The following FARP1 variants were observed in gnomAD, a reference collection of about 807,000 sequenced individuals.
FARP1 encodes FERM, ARHGEF and pleckstrin domain-containing protein 1.
FARP1 carries 52 observed loss-of-function variants against 128.8 expected under a neutral mutation model. The observed-to-expected ratio is 0.40, with a 90% CI of 0.32 to 0.51. The LOEUF is 0.51. Ranked by LOEUF, FARP1 falls within the 20% of genes least tolerant of loss-of-function variation. The probability of loss-of-function intolerance (pLI) is 0.45; values close to 1 mark genes in which losing one functional copy is unlikely to be tolerated. For synonymous variants in FARP1, 580 were observed against 551.8 expected (o/e 1.05, Z -0.72); for missense variants, 1,333 against 1,367.9 (o/e 0.97, Z 0.40).
intron 1 of FARP1, among the ~76,000 whole-genome samples, chr13:98,144,233 T>C (rs1875334606): frequency 6.6e-6 from 1 of 151,496 alleles, no homozygotes; most frequent in Admixed American, 6.6e-5. Flanking sequence ...TGTGTTTTAT[T>C]TGAGGGGGGG....
At position 98,447,995 on chromosome 13, in the gene FARP1, C is replaced by T. The variant is rs745441994; in HGVS notation, c.3057-241C>T. 190 of 557,696 alleles carry T rather than the reference C, an allele frequency of 3.4e-4. 1 individual carries two copies. Among genetic ancestry groups the T allele is most frequent in the Admixed American group, 8.1e-4 (25 of 31,016 alleles). The allele number at this position is 557,696 out of a possible 1,614,324, so 34.5% of individuals were successfully genotyped here. A position where few individuals can be genotyped will look rare whatever the true frequency, so the allele number is the denominator to read the frequency against. Reference sequence around the variant, plus strand: ...CTCGCTCCTAACTGCTCCAATGGAGCGGGCAGTGTCACTGCAGCAAGGTAC... The same window carrying T: ...CTCGCTCCTAACTGCTCCAATGGAGTGGGCAGTGTCACTGCAGCAAGGTAC... On this transcript the variant is annotated intron_variant, in intron 26 of 26. Coordinates refer to ENST00000319562, the MANE Select transcript of FARP1 (RefSeq NM_005766.4).
intron 2 of FARP1, among the ~76,000 whole-genome samples, chr13:98,297,718 G>A (rs139413679): frequency 1.4e-3 from 218 of 152,212 alleles, no homozygotes; most frequent in African/African-American, 5.0e-3. Flanking sequence ...GTGTATGTTT[G>A]GGGGAAGGAA....
chr13:98,367,718 G>GC (rs1352710055), intron 4 of FARP1, among the ~76,000 whole-genome samples: 1 of 152,162 alleles, frequency 6.6e-6, no homozygotes, highest in Non-Finnish European at 1.5e-5. Flanking sequence ...GAACATATTA[G>GC]CAACTGTACC....
chr13:98,319,297 A>G (rs1886885263), intron 2 of FARP1, among the ~76,000 whole-genome samples: 1 of 148,140 alleles, frequency 6.8e-6, no homozygotes, highest in African/African-American at 2.5e-5. Flanking sequence ...AAATACTTGG[A>G]AGGGAATAAT....
intron 1 of FARP1, chr13:98,177,058 G>C: frequency 6.3e-7 from 1 of 1,594,946 alleles, no homozygotes; most frequent in African/African-American, 1.3e-5. Context: ...TGCCACCCGC[G>C]GGGGCTGAGC....
chr13:98,435,163 C>T (rs971358783), intron 18 of FARP1, among the ~76,000 whole-genome samples: 5 of 152,188 alleles, frequency 3.3e-5, no homozygotes, highest in African/African-American at 9.7e-5. Flanking sequence ...CAAGGAGGTG[C>T]TGACTTTGCT....
intron 2 of FARP1, among the ~76,000 whole-genome samples, chr13:98,225,350 C>T (rs1881695234): frequency 6.6e-6 from 1 of 152,176 alleles, no homozygotes; most frequent in Non-Finnish European, 1.5e-5. Context: ...GTGTGTCGCC[C>T]ACAGGACTGA....
At position 98,343,871 on chromosome 13, in the gene FARP1, G is replaced by A. The variant is rs781667904; in HGVS notation, c.276+5G>A. ...CCTGATCACAAAAAGATCACGGTAG[G>A]TGATGTCAACTTAATGTTACTATTT... is the stretch of plus-strand genomic sequence containing the variant. On this transcript the variant is annotated splice_donor_5th_base_variant and intron_variant, in intron 3 of 26. Coordinates refer to ENST00000319562, the MANE Select transcript of FARP1 (RefSeq NM_005766.4). 1.3e-6 allele frequency: 2 copies of A among 1,581,104 alleles called. No individual in the cohort carries two copies. The highest frequency in any genetic ancestry group is 1.7e-5 in the Admixed American group (1 of 59,916).
chr13:98,321,364 G>A (rs1369184282), intron 2 of FARP1, among the ~76,000 whole-genome samples: 6 of 152,288 alleles, frequency 3.9e-5, no homozygotes, highest in Admixed American at 3.9e-4. Flanking sequence ...GCACACTTGA[G>A]TTACATATCA....
rs1891211570 is a variant in FARP1 at position 98,412,015 on chromosome 13, G to C, written c.1807G>C (p.Glu603Gln). ...KFHTNFLKEI[E>Q]QRLALWEGRS... Reference sequence around the variant, plus strand: ...TCATACTAATTTTCTCAAGGAAATTGAGCAACGACTTGCCCTGTGGTGAGT... The same window carrying C: ...TCATACTAATTTTCTCAAGGAAATTCAGCAACGACTTGCCCTGTGGTGAGT... The change falls in exon 16 of 27, where the codon GAG becomes CAG. Residue 603 changes from glutamate (E) to glutamine (Q), a missense_variant. Physicochemically the swap from Glu to Gln is conservative, Grantham distance 29 (BLOSUM62 2). This residue lies in a region of FARP1 where 1,009 missense variants were observed against 969.8 expected (regional missense o/e 1.04). Coordinates refer to ENST00000319562, the MANE Select transcript of FARP1 (RefSeq NM_005766.4). 3 of 1,613,946 alleles carry C rather than the reference G, an allele frequency of 1.9e-6. No individual in the cohort carries two copies. The highest frequency in any genetic ancestry group is 2.5e-6 in the Non-Finnish European group (3 of 1,179,952).
At chr13:98,435,544 C>T (rs374048969) in intron 18 of FARP1, 32 bp from the exon 19 acceptor site, 216 of 1,576,870 alleles carry the variant, frequency 1.4e-4, no homozygotes, top group East Asian at 2.0e-4. Context: ...CTGCCTTTCC[C>T]GCTGCAGACT....
chr13:98,289,562 G>A (rs1211036031), intron 2 of FARP1, among the ~76,000 whole-genome samples: 1 of 152,150 alleles, frequency 6.6e-6, no homozygotes. Context: ...GCTTGACTAC[G>A]TCTAGATCTC....
intron 1 of FARP1, 102 bp from the exon 2 acceptor site, chr13:98,213,118 G>A: frequency 1.2e-6 from 1 of 847,588 alleles, no homozygotes; most frequent in South Asian, 1.8e-5. Flanking sequence ...CCTGTGCAGG[G>A]GATGGAGCCC....
intron 2 of FARP1, among the ~76,000 whole-genome samples, chr13:98,269,391 AT>A (rs1884283302): frequency 6.6e-6 from 1 of 152,200 alleles, no homozygotes; most frequent in South Asian, 2.1e-4. Flanking sequence ...TTGAGTGGTC[AT>A]TTCTGTTCAT....
chr13:98,340,940 C>G (rs565042001), intron 2 of FARP1: 1 of 152,092 alleles, frequency 6.6e-6, no homozygotes, highest in African/African-American at 2.4e-5. Flanking sequence ...GATAAGCATG[C>G]CTGGAGAAGA....
At chr13:98,170,075 C>G (rs944515634) in intron 1 of FARP1, among the ~76,000 whole-genome samples, 3 of 152,040 alleles carry the variant, frequency 2.0e-5, no homozygotes, top group Non-Finnish European at 4.4e-5. Flanking sequence ...TTTTGGGGAG[C>G]TATTGGCCTT....
At chr13:98,272,241 G>T (rs73556883) in intron 2 of FARP1, among the ~76,000 whole-genome samples, 2 of 152,096 alleles carry the variant, frequency 1.3e-5, no homozygotes, top group Admixed American at 6.5e-5. Context: ...TGTTGGCCAG[G>T]CTTGCCTTGA....
chr13:98,285,624 G>A (rs893231829), intron 2 of FARP1, among the ~76,000 whole-genome samples: 1 of 152,104 alleles, frequency 6.6e-6, no homozygotes, highest in Non-Finnish European at 1.5e-5. Context: ...TCTGACATTG[G>A]GGTAATTTTG....
intron 6 of FARP1, among the ~76,000 whole-genome samples, chr13:98,379,254 A>G (rs538530813): frequency 7.3e-6 from 1 of 137,098 alleles, no homozygotes; most frequent in Non-Finnish European, 1.5e-5. Flanking sequence ...TATAATCTAT[A>G]TATATAATCT....
Sources: gnomAD v4.1 joint callset for allele counts (sites outside exome capture counted in the v4.1 genomes callset) on GRCh38, gnomAD v4.1.1 for gene constraint, gnomAD v4.1.1 regional missense constraint, MANE v1.5 for transcripts, NCBI Gene and HGNC (gene_info 2026-07-23, HGNC 2026-07-21) for gene names.